Variants in TAF5L observed in about 807,000 individuals in gnomAD.
TAF5L encodes the protein TAF5-like RNA polymerase II p300/CBP-associated factor-associated factor 65 kDa subunit 5L.
A neutral mutation model predicts 51.3 loss-of-function variants in TAF5L; 7 were observed. That is an observed-to-expected ratio of 0.14 (90% confidence interval 0.08 to 0.26). TAF5L has a LOEUF of 0.26. TAF5L is among the 10% of genes least tolerant of loss of function. The pLI, the probability that TAF5L is intolerant of heterozygous loss-of-function variation, is 1.00. For missense variants in TAF5L, 575 were observed against 758.9 expected, an observed-to-expected ratio of 0.76 and a Z score of 2.85; for synonymous variants, 291 against 308.1, an observed-to-expected ratio of 0.94 and a Z score of 0.58.
chr1:229,597,264 G>A (rs1664156996), intron 4 of TAF5L, among the ~76,000 whole-genome samples: 1 of 152,214 alleles, frequency 6.6e-6, no homozygotes, highest in South Asian at 2.1e-4. Flanking sequence ...TCTTCATTTG[G>A]AACAAGAAGC....
chr1:229,606,882 G>A (rs757806879), intron 3 of TAF5L: 15 of 985,254 alleles, frequency 1.5e-5, no homozygotes, highest in Non-Finnish European at 1.8e-5. Context: ...ACAACCTGTG[G>A]AGGAAAAATA....
chr1:229,622,015 CATCATCT>C (rs779107495), intron 1 of TAF5L, among the ~76,000 whole-genome samples: 87 of 137,276 alleles, frequency 6.3e-4, no homozygotes, highest in East Asian at 1.7e-3. Flanking sequence ...TTTCATTCAT[CATCATCT>C]ATCTATCTAT....
intron 3 of TAF5L, among the ~76,000 whole-genome samples, chr1:229,608,403 A>C (rs1374349306): frequency 6.6e-6 from 1 of 152,176 alleles, no homozygotes; most frequent in Non-Finnish European, 1.5e-5. Context: ...ATTATGTTTG[A>C]AAAAAAGGAA....
intron 4 of TAF5L, chr1:229,601,314 TTG>T (rs1167231625): frequency 1.0e-6 from 1 of 985,314 alleles, no homozygotes. Flanking sequence ...TTATTCAACA[TTG>T]TGTAAAGAAT....
chr1:229,616,443 C>CA (rs1665008283), intron 1 of TAF5L, among the ~76,000 whole-genome samples: 1 of 151,648 alleles, frequency 6.6e-6, no homozygotes, highest in African/African-American at 2.4e-5. Flanking sequence ...TGGGCTTAAG[C>CA]AATTCTCCTT....
chr1:229,611,290 A>C (rs948617365), intron 2 of TAF5L, among the ~76,000 whole-genome samples: 1 of 152,126 alleles, frequency 6.6e-6, no homozygotes, highest in South Asian at 2.1e-4. Flanking sequence ...AAAAACAAAA[A>C]ACAAAAACCA....
intron 3 of TAF5L, chr1:229,606,737 A>T: frequency 1.0e-6 from 1 of 985,386 alleles, no homozygotes; most frequent in Non-Finnish European, 1.2e-6. Context: ...ATCCATGATC[A>T]TGTTTAAGAG....
At chr1:229,614,160 C>T (rs1215092221) in intron 2 of TAF5L, 181 bp downstream of exon 2, 1 of 950,772 alleles carries the variant, frequency 1.1e-6, no homozygotes, top group East Asian at 2.6e-5. Context: ...GTGAGCACCG[C>T]TCTAAATGAC....
intron 1 of TAF5L, among the ~76,000 whole-genome samples, chr1:229,624,442 G>T (rs141425208): frequency 3.3e-5 from 5 of 152,088 alleles, no homozygotes; most frequent in Non-Finnish European, 5.9e-5. Context: ...AACCTAGAAG[G>T]TATTTTGCCA....
intron 3 of TAF5L, among the ~76,000 whole-genome samples, chr1:229,605,128 A>ATATATATATATTTTT (rs1340196774): frequency 1.4e-5 from 2 of 145,096 alleles, no homozygotes; most frequent in African/African-American, 5.2e-5. Context: ...ATATATATGT[A>ATATATATATATTTTT]TTTTTTTTTT....
At position 229,602,344 on chromosome 1, in the gene TAF5L, C is replaced by T. The variant is rs1373115760; in HGVS notation, c.823G>A (p.Glu275Lys). The T allele has an allele frequency of 1.2e-6, 2 of 1,614,138 alleles. No homozygotes were observed. The highest frequency in any genetic ancestry group is 1.7e-6 in the Non-Finnish European group (2 of 1,180,014). Residue 275 changes from glutamate (E) to lysine (K), a missense_variant, in exon 4 of 5, where the codon GAA becomes AAA. Glu to Lys is a moderately conservative substitution (Grantham distance 56, BLOSUM62 1). Around this residue, in one of 3 missense-constraint regions of TAF5L, gnomAD observed 380 missense variants for 443.7 expected, o/e 0.86. Transcript: ENST00000258281. The surrounding 1 kb of genome is among the most constrained non-coding windows in gnomAD (Gnocchi z 4.6). ...AGCAGCTTGCTATCGGGGGAGATTT[C>T]TGCAGTGTTCAACAGCTGCTCTGTG...
chr1:229,617,272 T>C (rs1188463071), intron 1 of TAF5L, among the ~76,000 whole-genome samples: 1 of 152,238 alleles, frequency 6.6e-6, no homozygotes, highest in Admixed American at 6.5e-5. Flanking sequence ...GGTTGTGTTA[T>C]ATTTAGAGTA....
intron 3 of TAF5L, 128 bp downstream of exon 3, chr1:229,609,978 C>T: frequency 1.4e-6 from 1 of 703,246 alleles, no homozygotes; most frequent in South Asian, 2.0e-5. Context: ...ATCTGCATTA[C>T]TCTATTTTTT....
intron 4 of TAF5L, chr1:229,600,649 T>A: frequency 1.3e-5 from 13 of 985,440 alleles, no homozygotes; most frequent in Non-Finnish European, 1.6e-5. Flanking sequence ...GCCCCTCTCC[T>A]AACTCCAGCC....
rs1438092204 is a variant in TAF5L at position 229,602,171 on chromosome 1, G to A, written c.972+24C>T. 1.2e-6 allele frequency: 2 copies of A among 1,600,200 alleles called. No individual in the cohort carries two copies. The highest frequency in any genetic ancestry group is 1.3e-5 in the African/African-American group (1 of 74,514). ...AAGGAAATTAGGAAGGCGGGTGCAG[G>A]GAAGAAAAAAATGGTATTCATACCT... is the stretch of plus-strand genomic sequence containing the variant. On this transcript the variant is annotated intron_variant, in intron 4 of 4. Coordinates refer to ENST00000258281, the Ensembl canonical transcript of TAF5L. The surrounding 1 kb of genome is among the most constrained non-coding windows in gnomAD (Gnocchi z 4.6).
At chr1:229,617,541 G>A (rs1294658725) in intron 1 of TAF5L, among the ~76,000 whole-genome samples, 1 of 152,146 alleles carries the variant, frequency 6.6e-6, no homozygotes, top group African/African-American at 2.4e-5. Flanking sequence ...ATGCACATCC[G>A]TGAGCATTCC....
chr1:229,615,923 C>G (rs902477464), intron 1 of TAF5L, among the ~76,000 whole-genome samples: 1 of 152,192 alleles, frequency 6.6e-6, no homozygotes, highest in Non-Finnish European at 1.5e-5. Flanking sequence ...TGTGGGAGAT[C>G]TGTTTTTGAT....
chr1:229,601,386 A>T lies in TAF5L; in HGVS notation c.972+809T>A, dbSNP rs1664367140. On this transcript the variant is annotated intron_variant, in intron 4 of 4. Coordinates refer to ENST00000258281, the Ensembl canonical transcript of TAF5L. ...GAATTTCAGTGGTGATAAGACAAAA[A>T]TACTTTGGCCCACAGCTTTTTCAGG... 17 of 985,434 alleles carry T rather than the reference A, an allele frequency of 1.7e-5. No homozygotes were observed. In the South Asian group the frequency reaches 6.1e-4, roughly 35 times the overall value. The allele number at this position is 985,434 out of a possible 1,614,324, so 61.0% of individuals were successfully genotyped here. A position where few individuals can be genotyped will look rare whatever the true frequency, so the allele number is the denominator to read the frequency against.
intron 4 of TAF5L, among the ~76,000 whole-genome samples, chr1:229,598,624 T>C (rs142788544): frequency 3.5e-4 from 54 of 152,122 alleles, no homozygotes; most frequent in Non-Finnish European, 7.4e-4. Flanking sequence ...CTCTGTGGTT[T>C]TGCCATGTTG....
Sources: gnomAD v4.1 joint callset for allele counts (sites outside exome capture counted in the v4.1 genomes callset) on GRCh38, gnomAD v4.1.1 for gene constraint, gnomAD v4.1.1 regional missense constraint, Gnocchi (gnomAD v3.1) non-coding constraint, MANE v1.5 for transcripts, NCBI Gene and HGNC (gene_info 2026-07-23, HGNC 2026-07-21) for gene names.